Variants in TSPAN7 observed in about 807,000 individuals in gnomAD.
TSPAN7 encodes tetraspanin 7.
A neutral mutation model predicts 17.6 loss-of-function variants in TSPAN7; 1 was observed. The observed-to-expected ratio is 0.06, with a 90% confidence interval of 0.02 to 0.27. TSPAN7 has a LOEUF of 0.27. TSPAN7 is among the 10% of genes least tolerant of loss of function. TSPAN7 has a pLI of 1.00. For missense variants in TSPAN7, 112 were observed against 201.7 expected, an observed-to-expected ratio of 0.56 and a Z score of 2.69; for synonymous variants, 78 against 79.0, an observed-to-expected ratio of 0.99 and a Z score of 0.07.
chrX:38,685,913 C>A (rs2069924240), intron 6 of TSPAN7, among the ~76,000 whole-genome samples: 1 of 112,003 alleles, frequency 8.9e-6, no homozygotes, highest in Non-Finnish European at 1.9e-5. Flanking sequence ...TGACTGTAAT[C>A]TGTTCTACCT....
chrX:38,681,294 T>A lies in TSPAN7; in HGVS notation c.681+7T>A, dbSNP rs940634897. On this transcript the variant is annotated splice_region_variant and intron_variant, in intron 6 of 7. Coordinates refer to ENST00000378482, the MANE Select transcript of TSPAN7 (RefSeq NM_004615.4). ...TGGAATCGCATTCTCCCAGGTAGCCTACATAATTGTGCAGAACCTGGTCTA... is the reference window on the plus strand; with the variant it reads ...TGGAATCGCATTCTCCCAGGTAGCCAACATAATTGTGCAGAACCTGGTCTA... 2.5e-6 allele frequency: 3 copies of A among 1,193,538 alleles called. No homozygotes were observed. In the East Asian group the frequency reaches 8.9e-5, roughly 35 times the overall value.
chrX:38,601,042 A>T (rs769831860), intron 1 of TSPAN7, among the ~76,000 whole-genome samples: 8 of 111,644 alleles, frequency 7.2e-5, no homozygotes, highest in Non-Finnish European at 1.5e-4. Flanking sequence ...CCTTGAGTAG[A>T]CGTTGGTCTG....
chrX:38,678,226 T>A (rs1381489988), intron 5 of TSPAN7, among the ~76,000 whole-genome samples: 2 of 112,484 alleles, frequency 1.8e-5, no homozygotes, highest in Non-Finnish European at 3.8e-5. Flanking sequence ...TAGGGATTCT[T>A]TGACAGTTCG....
At chrX:38,565,966 G>A (rs1054070839) in intron 1 of TSPAN7, among the ~76,000 whole-genome samples, 3 of 111,473 alleles carry the variant, frequency 2.7e-5, no homozygotes, top group Non-Finnish European at 5.6e-5. Context: ...CAGTACATGA[G>A]ACAACCCCTC....
intron 3 of TSPAN7, among the ~76,000 whole-genome samples, chrX:38,671,753 C>T (rs1250674745): frequency 9.0e-6 from 1 of 111,684 alleles, no homozygotes; most frequent in East Asian, 2.8e-4. Flanking sequence ...TTAAAAATAG[C>T]TGCTTCAGGC....
intron 1 of TSPAN7, among the ~76,000 whole-genome samples, chrX:38,626,844 G>A (rs938627970): frequency 6.3e-5 from 7 of 111,067 alleles, no homozygotes; most frequent in Non-Finnish European, 1.3e-4. Context: ...GGGTGCCTAG[G>A]TGGCTCTAAT....
chrX:38,653,500 A>C (rs2069686961), intron 1 of TSPAN7, among the ~76,000 whole-genome samples: 1 of 111,955 alleles, frequency 8.9e-6, no homozygotes, highest in African/African-American at 3.2e-5. Flanking sequence ...CTTTCGTTCT[A>C]GAATGTGCTT....
intron 1 of TSPAN7, among the ~76,000 whole-genome samples, chrX:38,601,900 T>C (rs1051502042): frequency 9.0e-6 from 1 of 111,338 alleles, no homozygotes; most frequent in Non-Finnish European, 1.9e-5. Flanking sequence ...CAGCCTAAGC[T>C]TTTCACATCA....
intron 1 of TSPAN7, among the ~76,000 whole-genome samples, chrX:38,619,611 C>G (rs1209158985): frequency 9.0e-6 from 1 of 111,709 alleles, no homozygotes; most frequent in Non-Finnish European, 1.9e-5. Context: ...GATTCATAAC[C>G]CTTCATTCCT....
chrX:38,638,498 A>C (rs941532691), intron 1 of TSPAN7, among the ~76,000 whole-genome samples: 8 of 112,373 alleles, frequency 7.1e-5, no homozygotes, highest in African/African-American at 2.3e-4. Context: ...ATGGATATTC[A>C]GCATAAATCT....
intron 5 of TSPAN7, among the ~76,000 whole-genome samples, chrX:38,678,309 TA>T (rs2069867531): frequency 8.9e-6 from 1 of 112,108 alleles, no homozygotes; most frequent in African/African-American, 3.2e-5. Context: ...TGTCTGGAAC[TA>T]GCTTTCTACT....
intron 1 of TSPAN7, among the ~76,000 whole-genome samples, chrX:38,621,551 A>G (rs1192576642): frequency 8.9e-6 from 1 of 112,138 alleles, no homozygotes; most frequent in African/African-American, 3.2e-5. Flanking sequence ...CTGTAAGGAA[A>G]GGGGTAGAAG....
chrX:38,653,501 G>A (rs1211593032), intron 1 of TSPAN7, among the ~76,000 whole-genome samples: 2 of 111,909 alleles, frequency 1.8e-5, no homozygotes, highest in African/African-American at 6.5e-5. Context: ...TTTCGTTCTA[G>A]AATGTGCTTG....
chrX:38,636,023 T>C (rs1322389943), intron 1 of TSPAN7, among the ~76,000 whole-genome samples: 2 of 111,827 alleles, frequency 1.8e-5, no homozygotes, highest in Non-Finnish European at 3.8e-5. Flanking sequence ...AAGTCCTTCT[T>C]TGTAGCCCCA....
At chrX:38,593,405 T>G (rs762892916) in intron 1 of TSPAN7, among the ~76,000 whole-genome samples, 128 of 111,404 alleles carry the variant, frequency 1.1e-3, no homozygotes, top group Non-Finnish European at 1.9e-3. Flanking sequence ...GCTAGGTATG[T>G]TTGTTGCCAC....
intron 5 of TSPAN7, among the ~76,000 whole-genome samples, 170 bp downstream of exon 5, chrX:38,676,030 A>G (rs927500545): frequency 8.1e-5 from 9 of 111,744 alleles, no homozygotes; most frequent in Non-Finnish European, 1.3e-4. Flanking sequence ...GCTCACTTCT[A>G]AAAGAGAAAG....
At chrX:38,650,300 G>C (rs1002313434) in intron 1 of TSPAN7, among the ~76,000 whole-genome samples, 1 of 112,262 alleles carries the variant, frequency 8.9e-6, no homozygotes, top group African/African-American at 3.2e-5. Context: ...CTTTACGTTT[G>C]AATAATGCGA....
At chrX:38,587,089 A>T (rs2147403545) in intron 1 of TSPAN7, among the ~76,000 whole-genome samples, 1 of 112,531 alleles carries the variant, frequency 8.9e-6, no homozygotes, top group African/African-American at 3.2e-5. Context: ...ACTGAAGAGG[A>T]AAGGTGCAAC....
At chrX:38,579,713 T>C (rs1350945965) in intron 1 of TSPAN7, among the ~76,000 whole-genome samples, 1 of 111,827 alleles carries the variant, frequency 8.9e-6, no homozygotes, top group African/African-American at 3.3e-5. Flanking sequence ...AATGTAATCC[T>C]AAAACAGAGA....
Sources: allele counts gnomAD v4.1 joint callset (sites outside exome capture counted in the v4.1 genomes callset), GRCh38; gene constraint gnomAD v4.1.1; transcripts MANE v1.5; gene names NCBI Gene and HGNC (gene_info 2026-07-23, HGNC 2026-07-21).